GRM1: variants seen among roughly 807,000 people sequenced by gnomAD.
The protein encoded by GRM1 is glutamate metabotropic receptor 1.
GRM1 carries 33 observed loss-of-function variants against 90.9 expected under a neutral mutation model. That is an observed-to-expected ratio of 0.36 (90% CI 0.28 to 0.49). GRM1 has a LOEUF of 0.49. Among genes scored for constraint, GRM1 ranks in the 20% least tolerant of loss-of-function variants. The pLI is 0.99. For synonymous variants in GRM1, 700 were observed against 613.2 expected, an observed-to-expected ratio of 1.14 and a Z score of -2.09; for missense variants, 1,190 against 1,534.3, an observed-to-expected ratio of 0.78 and a Z score of 3.75.
intron 2 of GRM1, among the ~76,000 whole-genome samples, chr6:146,265,107 A>G (rs1781831739): frequency 6.6e-6 from 1 of 152,190 alleles, no homozygotes; most frequent in Non-Finnish European, 1.5e-5. Context: ...AGCAATCGCT[A>G]CACTGTTTTT....
At chr6:146,433,678 C>T (rs1482862149) in intron 7 of GRM1, among the ~76,000 whole-genome samples, 194 bp from the exon 8 acceptor site, 1 of 152,070 alleles carries the variant, frequency 6.6e-6, no homozygotes, top group Non-Finnish European at 1.5e-5. Context: ...TCCTCAACAA[C>T]TTTTCTCAGG....
In GRM1 at chr6:146,196,448, C is replaced by T. The variant is rs564081398; in HGVS notation, c.950+36851C>T. Among the ~76,000 whole-genome samples, 95 of 149,470 alleles carry T rather than the reference C, an allele frequency of 6.4e-4. 1 individual carries two copies. The highest frequency in any genetic ancestry group is 1.3e-3 in the African/African-American group (53 of 40,326). ...GACTACAGGCACCCGCCACCATGCC[C>T]GGCTAATTTTTTGTATTTTTTTTTT... On this transcript the variant is annotated intron_variant, in intron 2 of 7. Transcript: ENST00000282753.
At chr6:146,196,523 T>A (rs938889443) in intron 2 of GRM1, among the ~76,000 whole-genome samples, 1 of 146,660 alleles carries the variant, frequency 6.8e-6, no homozygotes, top group Non-Finnish European at 1.5e-5. Context: ...GCCAGGATGG[T>A]CTCGATCTCC....
intron 5 of GRM1, among the ~76,000 whole-genome samples, chr6:146,367,100 GT>G (rs975554681): frequency 5.9e-5 from 9 of 151,488 alleles, no homozygotes; most frequent in Non-Finnish European, 1.2e-4. Flanking sequence ...TAGGGGTTTA[GT>G]TTTTTTTTCT....
intron 2 of GRM1, among the ~76,000 whole-genome samples, chr6:146,187,038 G>A (rs962839103): frequency 2.0e-5 from 3 of 152,106 alleles, no homozygotes; most frequent in South Asian, 2.1e-4. Flanking sequence ...AAGAAGAAAT[G>A]CAATATTACT....
chr6:146,253,690 G>A (rs956152392), intron 2 of GRM1, among the ~76,000 whole-genome samples: 3 of 151,990 alleles, frequency 2.0e-5, no homozygotes, highest in Non-Finnish European at 4.4e-5. Context: ...GTAAAATCTC[G>A]ACTCCTGAAC....
chr6:146,291,576 G>A (rs776054664), intron 2 of GRM1, among the ~76,000 whole-genome samples: 8 of 151,500 alleles, frequency 5.3e-5, no homozygotes, highest in African/African-American at 1.5e-4. Flanking sequence ...CTTCTTAAAC[G>A]TAACCATGAG....
intron 2 of GRM1, among the ~76,000 whole-genome samples, chr6:146,201,873 A>G (rs994136406): frequency 1.3e-5 from 2 of 152,206 alleles, no homozygotes; most frequent in African/African-American, 4.8e-5. Flanking sequence ...TGAACCCACA[A>G]TGTCTGGCTC....
At chr6:146,329,227 G>T (rs923600948) in intron 3 of GRM1, among the ~76,000 whole-genome samples, 1 of 152,156 alleles carries the variant, frequency 6.6e-6, no homozygotes, top group African/African-American at 2.4e-5. Context: ...AGAGTTGAAC[G>T]AATGGAAAAG....
intron 3 of GRM1, 58 bp downstream of exon 3, chr6:146,304,904 T>C: frequency 8.5e-7 from 1 of 1,171,826 alleles, no homozygotes; most frequent in Non-Finnish European, 1.3e-6. Flanking sequence ...CTAGATTTAT[T>C]GCAACTTGTT....
chr6:146,074,957 G>T (rs1202328756), intron 1 of GRM1, among the ~76,000 whole-genome samples: 1 of 152,128 alleles, frequency 6.6e-6, no homozygotes, highest in Non-Finnish European at 1.5e-5. Context: ...TTAATTCATA[G>T]AAATTACAAT....
intron 2 of GRM1, among the ~76,000 whole-genome samples, chr6:146,293,942 G>A (rs370453368): frequency 1.9e-4 from 28 of 151,330 alleles, no homozygotes; most frequent in East Asian, 1.7e-3. Context: ...TGTATCTGAA[G>A]TTACATTATA....
intron 1 of GRM1, among the ~76,000 whole-genome samples, chr6:146,091,240 C>T (rs1328928742): frequency 6.6e-6 from 1 of 152,088 alleles, no homozygotes; most frequent in Non-Finnish European, 1.5e-5. Flanking sequence ...GAAGTCTTTC[C>T]TCCCTTGGGC....
intron 1 of GRM1, among the ~76,000 whole-genome samples, chr6:146,136,927 G>A (rs922195867): frequency 3.7e-5 from 5 of 135,554 alleles, no homozygotes; most frequent in Non-Finnish European, 6.1e-5. Flanking sequence ...ATCTCAGCTC[G>A]CTGCAATTAT....
At chr6:146,427,868 A>T (rs1350638727) in intron 7 of GRM1, among the ~76,000 whole-genome samples, 1 of 152,196 alleles carries the variant, frequency 6.6e-6, no homozygotes, top group African/African-American at 2.4e-5. Flanking sequence ...GGAGATTCTA[A>T]TTGTGAGAGC....
At chr6:146,102,905 A>C (rs1480727592) in intron 1 of GRM1, among the ~76,000 whole-genome samples, 2 of 152,208 alleles carry the variant, frequency 1.3e-5, no homozygotes, top group African/African-American at 4.8e-5. Context: ...AATGTTCACA[A>C]AAGTGTGGCT....
chr6:146,106,184 A>G (rs1190389208), intron 1 of GRM1, among the ~76,000 whole-genome samples: 1 of 152,178 alleles, frequency 6.6e-6, no homozygotes, highest in Non-Finnish European at 1.5e-5. Context: ...CTCTTTTGTA[A>G]AATGTGATTA....
chr6:146,144,053 A>G (rs1468870915), intron 1 of GRM1, among the ~76,000 whole-genome samples: 1 of 152,210 alleles, frequency 6.6e-6, no homozygotes, highest in East Asian at 1.9e-4. Context: ...GGCTTAAACC[A>G]TAGAAATTTA....
intron 2 of GRM1, among the ~76,000 whole-genome samples, chr6:146,286,416 T>G (rs973627256): frequency 7.2e-5 from 11 of 152,208 alleles, no homozygotes; most frequent in Non-Finnish European, 1.3e-4. Context: ...TTGCTTATTT[T>G]ATCAGAAAGT....
Sources: gnomAD v4.1 joint callset for allele counts (sites outside exome capture counted in the v4.1 genomes callset) on GRCh38, gnomAD v4.1.1 for gene constraint, MANE v1.5 for transcripts, NCBI Gene and HGNC (gene_info 2026-07-23, HGNC 2026-07-21) for gene names.